Variants in EML1 observed in about 807,000 individuals in gnomAD.
The protein encoded by EML1 is echinoderm microtubule-associated protein-like 1.
A neutral mutation model predicts 110.4 loss-of-function variants in EML1; 27 were observed. The ratio of observed to expected loss-of-function variants is 0.24; its 90% CI spans 0.18 to 0.34. The LOEUF (loss-of-function observed/expected upper bound fraction) is 0.34, where lower values mean the gene tolerates loss of function less well. Ranked by LOEUF, EML1 falls within the 10% of genes least tolerant of loss-of-function variation. The pLI, the probability that EML1 is intolerant of heterozygous loss-of-function variation, is 1.00. For missense variants in EML1, 741 were observed against 1,030.9 expected, an observed-to-expected ratio of 0.72 and a Z score of 3.85; for synonymous variants, 344 against 385.8, an observed-to-expected ratio of 0.89 and a Z score of 1.27.
At chr14:99,761,900 GGGTGACAGAGTGA>G (rs569728081) in intron 1 of EML1, among the ~76,000 whole-genome samples, 3,080 of 146,618 alleles carry the variant, frequency 0.021, 111 homozygotes, top group African/African-American at 0.073. Context: ...ACTCCAGCCT[GGGTGACAGAGTGA>G]GACTCTGTCT....
intron 2 of EML1, among the ~76,000 whole-genome samples, chr14:99,860,263 G>T (rs10133144): frequency 0.093 from 14,101 of 152,076 alleles, 2,230 homozygotes; most frequent in African/African-American, 0.32. Flanking sequence ...CTAGGAAAAA[G>T]TTAATTTTTT....
chr14:99,745,073 A>C (rs1396793698), intron 1 of EML1, among the ~76,000 whole-genome samples: 1 of 151,728 alleles, frequency 6.6e-6, no homozygotes, highest in Non-Finnish European at 1.5e-5. Flanking sequence ...CTCCCAGTTG[A>C]CTTTTTTTTT....
At chr14:99,856,162 A>G (rs538317835) in intron 2 of EML1, among the ~76,000 whole-genome samples, 1 of 152,206 alleles carries the variant, frequency 6.6e-6, no homozygotes, top group Non-Finnish European at 1.5e-5. Context: ...TGCCCAGGCT[A>G]CACAAGGGCT....
At chr14:99,824,066 C>T (rs958533047) in intron 1 of EML1, among the ~76,000 whole-genome samples, 1 of 152,188 alleles carries the variant, frequency 6.6e-6, no homozygotes, top group Non-Finnish European at 1.5e-5. Context: ...AAGGGATTCT[C>T]CTGCCTTAGC....
intron 1 of EML1, among the ~76,000 whole-genome samples, chr14:99,755,334 C>G (rs150885629): frequency 0.018 from 2,784 of 152,340 alleles, 104 homozygotes; most frequent in African/African-American, 0.063. Flanking sequence ...AGGCGCTATG[C>G]TGATGCTGCC....
chr14:99,829,091 C>T (rs1018104594), intron 1 of EML1, among the ~76,000 whole-genome samples: 3 of 152,182 alleles, frequency 2.0e-5, no homozygotes, highest in South Asian at 2.1e-4. Context: ...GAATCCCCTG[C>T]GGGTCTTGGA....
At chr14:99,889,508 A>G (rs981530457) in intron 4 of EML1, among the ~76,000 whole-genome samples, 2 of 152,190 alleles carry the variant, frequency 1.3e-5, no homozygotes, top group Non-Finnish European at 2.9e-5. Context: ...AATAAGTGCT[A>G]TAGAGAAAAA....
At chr14:99,812,957 T>G in intron 1 of EML1, among the ~76,000 whole-genome samples, 1 of 152,108 alleles carries the variant, frequency 6.6e-6, no homozygotes, top group East Asian at 1.9e-4. Context: ...AACCAAAGGC[T>G]CTCTCATTTA....
intron 10 of EML1, among the ~76,000 whole-genome samples, chr14:99,908,357 G>A (rs2059891364): frequency 6.6e-6 from 1 of 152,150 alleles, no homozygotes; most frequent in East Asian, 1.9e-4. Flanking sequence ...TTTTCTATTG[G>A]AAGCCTATTT....
Position 99,914,575 on chromosome 14 carries a change from G to A in EML1, c.1630G>A (p.Asp544Asn), listed in dbSNP as rs760611901. Residue 544 changes from aspartate (D) to asparagine (N), a missense_variant, in exon 15 of 22, where the codon GAT becomes AAT. Asp to Asn is a conservative substitution (Grantham distance 23). Transcript: ENST00000262233. ...TCTTGGTTATTTGTAGGGTCACACTGATGAGCTCTGGGGACTGGCCATCCA... is the reference window on the plus strand; with the variant it reads ...TCTTGGTTATTTGTAGGGTCACACTAATGAGCTCTGGGGACTGGCCATCCA... ...DFTPITQGHT[D>N]ELWGLAIHAS... 1 of 1,597,052 alleles carries A rather than the reference G, an allele frequency of 6.3e-7. No individual in the cohort carries two copies. Among genetic ancestry groups the A allele is most frequent in the Non-Finnish European group, 8.5e-7 (1 of 1,176,088 alleles).
intron 5 of EML1, chr14:99,892,049 C>T: frequency 1.5e-6 from 1 of 689,516 alleles, no homozygotes; most frequent in Non-Finnish European, 1.8e-6. Context: ...GGGGGCAGGT[C>T]AGGTGTTGGC....
chr14:99,878,309 A>G (rs1430409661), intron 3 of EML1, among the ~76,000 whole-genome samples, 176 bp from the exon 4 acceptor site: 3 of 152,170 alleles, frequency 2.0e-5, no homozygotes, highest in Non-Finnish European at 4.4e-5. Flanking sequence ...AGGCAGAGAG[A>G]GAGCAGAGAT....
rs2058374720 is a variant in EML1 at position 99,827,186 on chromosome 14, T to G, written c.68-23667T>G. ...AGAAGAAACTAACCCTGGGCCCTAA[T>G]CCAGTCTGGCTAGTGTCCTTATAAG... On this transcript the variant is annotated intron_variant, in intron 1 of 21. Coordinates refer to ENST00000262233, the MANE Select transcript of EML1 (RefSeq NM_004434.3). This position sits in a 1 kb window ranked among gnomAD's most constrained non-coding sequence, Gnocchi z 4.4. Among the ~76,000 whole-genome samples, 1 of 151,888 alleles carries G rather than the reference T, an allele frequency of 6.6e-6. No homozygotes were observed. Among genetic ancestry groups the G allele is most frequent in the South Asian group, 2.1e-4 (1 of 4,806 alleles).
At chr14:99,819,745 C>T (rs1200147492) in intron 1 of EML1, among the ~76,000 whole-genome samples, 1 of 152,162 alleles carries the variant, frequency 6.6e-6, no homozygotes. Flanking sequence ...GGGGAAAAGG[C>T]GGGTCTGCAA....
At position 99,905,807 on chromosome 14, in the gene EML1, G is replaced by A. The variant is rs2059835156; in HGVS notation, c.1009-1831G>A. ...ACTCTAACCTTCCTAAGTTGGGCCT[G>A]GAACCCAAGGTCTGTCTAGCGTCCT... On this transcript the variant is annotated intron_variant, in intron 9 of 21. Coordinates refer to ENST00000262233, the MANE Select transcript of EML1 (RefSeq NM_004434.3). The surrounding 1 kb of genome is among the most constrained non-coding windows in gnomAD (Gnocchi z 4.1). Among the ~76,000 whole-genome samples, 1 of 152,100 alleles carries A rather than the reference G, an allele frequency of 6.6e-6. No homozygotes were observed. The highest frequency in any genetic ancestry group is 1.5e-5 in the Non-Finnish European group (1 of 67,996).
rs1429573157 is a variant in EML1 at position 99,781,151 on chromosome 14, TCTC to T, written c.-27+7141_-27+7143del. On this transcript the variant is annotated intron_variant, in intron 1 of 22. Coordinates refer to the EML1 transcript ENST00000327921. The surrounding 1 kb of genome is among the most constrained non-coding windows in gnomAD (Gnocchi z 4.2). ...CCCCTGTTCCACTGGCCGCCTCCCT[TCTC>T]CTTGACTCGTCCCCAGCTTCTAATT... Among the ~76,000 whole-genome samples the T allele has an allele frequency of 1.3e-5, 2 of 151,900 alleles. No individual in the cohort carries two copies.
chr14:99,913,587 G>T (rs2059982082), intron 13 of EML1, among the ~76,000 whole-genome samples: 1 of 152,162 alleles, frequency 6.6e-6, no homozygotes, highest in Non-Finnish European at 1.5e-5. Flanking sequence ...TGAGGAAAAT[G>T]CTTTTTCTTA....
At chr14:99,812,414 G>A (rs1003004153) in intron 1 of EML1, among the ~76,000 whole-genome samples, 2 of 151,914 alleles carry the variant, frequency 1.3e-5, no homozygotes, top group East Asian at 1.9e-4. Flanking sequence ...AAAGGTAGAT[G>A]CCAGGCAGCA....
At chr14:99,797,444 A>G (rs2057796095) in intron 1 of EML1, among the ~76,000 whole-genome samples, 1 of 152,088 alleles carries the variant, frequency 6.6e-6, no homozygotes, top group Non-Finnish European at 1.5e-5. Flanking sequence ...CTATGTTTTC[A>G]TTTCTCTTGG....
Sources: allele counts gnomAD v4.1 joint callset (sites outside exome capture counted in the v4.1 genomes callset), GRCh38; gene constraint gnomAD v4.1.1; non-coding constraint Gnocchi (gnomAD v3.1); transcripts MANE v1.5; gene names NCBI Gene and HGNC (gene_info 2026-07-23, HGNC 2026-07-21).